PUS10: variants seen among roughly 807,000 people sequenced by gnomAD.
The protein encoded by PUS10 is tRNA pseudouridine synthase Pus10.
PUS10 carries 59 observed loss-of-function variants against 75.0 expected under a neutral mutation model. The observed-to-expected ratio is 0.79, with a 90% CI of 0.64 to 0.98. PUS10 has a LOEUF of 0.98. Among genes scored for constraint, PUS10 ranks in the 50% least tolerant of loss-of-function variants. The pLI, the probability that PUS10 is intolerant of heterozygous loss-of-function variation, is 0.00. For missense variants in PUS10, 650 were observed against 614.4 expected (o/e 1.06, Z -0.61); for synonymous variants, 219 against 211.6 (o/e 1.03, Z -0.30).
chr2:61,016,702 G>A (rs1435303680), intron 1 of PUS10, among the ~76,000 whole-genome samples: 5 of 152,142 alleles, frequency 3.3e-5, no homozygotes, highest in African/African-American at 4.8e-5. Flanking sequence ...AGGAGAGGAA[G>A]GACTTTATTT....
rs150000826 is a variant in PUS10 at position 61,013,330 on chromosome 2, T to C, written c.-15-1425A>G. Among the ~76,000 whole-genome samples, 318 of 150,546 alleles carry C rather than the reference T, an allele frequency of 2.1e-3. 1 individual carries two copies. The highest frequency in any genetic ancestry group is 7.1e-3 in the Middle Eastern group (2 of 282). On this transcript the variant is annotated intron_variant, in intron 1 of 17. Coordinates refer to ENST00000316752, the MANE Select transcript of PUS10 (RefSeq NM_144709.4). Reference sequence around the variant, plus strand: ...CTTGTCTGACTGTAGGTCATAAGACTCCCCATTCCATGGCAGGTCCTGCCC... The same window carrying C: ...CTTGTCTGACTGTAGGTCATAAGACCCCCCATTCCATGGCAGGTCCTGCCC...
chr2:60,947,746 A>C (rs536372508), intron 16 of PUS10, among the ~76,000 whole-genome samples: 1 of 150,142 alleles, frequency 6.7e-6, no homozygotes, highest in East Asian at 2.0e-4. Flanking sequence ...GGAGAATGGC[A>C]TGAACCCAGG....
At chr2:60,953,328 C>A (rs1675460745) in intron 14 of PUS10, among the ~76,000 whole-genome samples, 1 of 152,058 alleles carries the variant, frequency 6.6e-6, no homozygotes, top group Admixed American at 6.5e-5. Flanking sequence ...AACTTTGTAC[C>A]CATTAGTGTC....
intron 1 of PUS10, 50 bp downstream of exon 1, chr2:61,017,958 C>T (rs1169427770): frequency 7.4e-7 from 1 of 1,359,406 alleles, no homozygotes; most frequent in African/African-American, 1.4e-5. Context: ...CCCCCTTTAA[C>T]CAATACCCAA....
intron 2 of PUS10, among the ~76,000 whole-genome samples, 157 bp downstream of exon 2, chr2:61,011,594 TTACATTTCTGAGAC>T (rs1679598584): frequency 6.6e-6 from 1 of 152,166 alleles, no homozygotes; most frequent in Non-Finnish European, 1.5e-5. Context: ...AAGAAGGAAC[TTACATTTCTGAGAC>T]TATTCCAAAA....
intron 4 of PUS10, among the ~76,000 whole-genome samples, chr2:60,983,324 A>G (rs1399527818): frequency 6.6e-6 from 1 of 152,230 alleles, no homozygotes; most frequent in Non-Finnish European, 1.5e-5. Context: ...TAATTATTAC[A>G]AATATCTATT....
Position 60,987,624 on chromosome 2 carries a change from T to C in PUS10, c.469-16067A>G, listed in dbSNP as rs140535268. On this transcript the variant is annotated intron_variant, in intron 4 of 17. Coordinates refer to ENST00000316752, the MANE Select transcript of PUS10 (RefSeq NM_144709.4). ...ACCACTAATTGTGTACAGTATGATA[T>C]AAAAATAGAAGCTAAAATAGCTAAA... Among the ~76,000 whole-genome samples the C allele has an allele frequency of 5.8e-3, 883 of 152,196 alleles. 3 individuals carry two copies. Among genetic ancestry groups the C allele is most frequent in the Non-Finnish European group, 8.4e-3 (572 of 68,018 alleles).
Position 60,971,548 on chromosome 2 carries a change from A to G in PUS10, c.478T>C (p.Trp160Arg). ...PQLSVREHAA[W>R]LLVKQEMGKQ... Reference sequence around the variant, plus strand: ...CCCATTTCCTGTTTTACCAGCAACCATGCAGCATGCTGTAGGCAATTTAGT... The same window carrying G: ...CCCATTTCCTGTTTTACCAGCAACCGTGCAGCATGCTGTAGGCAATTTAGT... The change falls in exon 5 of 18, where the codon TGG (tryptophan) becomes CGG (arginine). Residue 160 changes from tryptophan to arginine, a missense_variant. Transcript: ENST00000316752. 6.2e-7 allele frequency: 1 copy of G among 1,613,906 alleles called. No individual in the cohort carries two copies. The highest frequency in any genetic ancestry group is 8.5e-7 in the Non-Finnish European group (1 of 1,179,822).
intron 9 of PUS10, among the ~76,000 whole-genome samples, chr2:60,962,006 T>A (rs995221121): frequency 5.9e-5 from 9 of 152,242 alleles, no homozygotes; most frequent in Non-Finnish European, 1.2e-4. Flanking sequence ...CAGTAATATT[T>A]TATTTAATAA....
chr2:60,964,780 C>T (rs1298564712), intron 8 of PUS10, among the ~76,000 whole-genome samples: 1 of 152,136 alleles, frequency 6.6e-6, no homozygotes, highest in Non-Finnish European at 1.5e-5. Flanking sequence ...GTAATAGTAA[C>T]ATCACTGAAA....
At chr2:60,965,279 A>T in intron 7 of PUS10, 144 bp downstream of exon 7, 1 of 996,654 alleles carries the variant, frequency 1.0e-6, no homozygotes. Context: ...GACACATTTT[A>T]TTTTTTTGAG....
chr2:61,005,789 A>G (rs988966391), intron 4 of PUS10, among the ~76,000 whole-genome samples: 11 of 152,172 alleles, frequency 7.2e-5, no homozygotes, highest in African/African-American at 2.7e-4. Context: ...GTATCATTCT[A>G]TCCAGCTTCA....
intron 3 of PUS10, among the ~76,000 whole-genome samples, 188 bp downstream of exon 3, chr2:61,008,573 T>G (rs1679391422): frequency 6.6e-6 from 1 of 152,124 alleles, no homozygotes; most frequent in South Asian, 2.1e-4. Context: ...GTAGGAGGAT[T>G]GCTTGAGCCC....
At chr2:60,987,163 TG>T (rs1489727611) in intron 4 of PUS10, among the ~76,000 whole-genome samples, 4 of 152,246 alleles carry the variant, frequency 2.6e-5, no homozygotes, top group African/African-American at 9.6e-5. Context: ...AATCTGAGAA[TG>T]GAACAGTATC....
chr2:60,994,992 A>C (rs1336732853), intron 4 of PUS10, among the ~76,000 whole-genome samples: 1 of 152,204 alleles, frequency 6.6e-6, no homozygotes, highest in African/African-American at 2.4e-5. Context: ...TGGGAGCCTG[A>C]GGCAGGAGAA....
chr2:60,986,841 A>C (rs891304923), intron 4 of PUS10, among the ~76,000 whole-genome samples: 3 of 152,216 alleles, frequency 2.0e-5, no homozygotes, highest in Non-Finnish European at 4.4e-5. Context: ...TCTCTCTCCT[A>C]CTTAGCCAGC....
chr2:60,971,498 A>C, intron 5 of PUS10, 25 bp downstream of exon 5: 3 of 1,608,472 alleles, frequency 1.9e-6, no homozygotes, highest in East Asian at 2.2e-5. Flanking sequence ...AATGGTAGTA[A>C]AAATTCCCTA....
At chr2:60,948,007 G>C in intron 16 of PUS10, 36 bp downstream of exon 16, 1 of 1,612,902 alleles carries the variant, frequency 6.2e-7, no homozygotes, top group Non-Finnish European at 8.5e-7. Flanking sequence ...ATAGAGTTCT[G>C]GTTCGATGGC....
intron 16 of PUS10, 36 bp from the exon 17 acceptor site, chr2:60,945,144 G>T: frequency 1.5e-6 from 2 of 1,313,430 alleles, no homozygotes; most frequent in Non-Finnish European, 2.2e-6. Context: ...AAGACAGCAT[G>T]CTGTACCAAC....
Sources: gnomAD v4.1 joint callset for allele counts (sites outside exome capture counted in the v4.1 genomes callset) on GRCh38, gnomAD v4.1.1 for gene constraint, MANE v1.5 for transcripts, NCBI Gene and HGNC (gene_info 2026-07-23, HGNC 2026-07-21) for gene names.